Variants in PCDH9 observed in about 807,000 individuals in gnomAD.
PCDH9 encodes protocadherin 9.
A neutral mutation model predicts 70.6 loss-of-function variants in PCDH9; 24 were observed. The observed-to-expected ratio is 0.34, with a 90% CI of 0.25 to 0.48. The LOEUF (loss-of-function observed/expected upper bound fraction) is 0.48, where lower values mean the gene tolerates loss of function less well. Ranked by LOEUF, PCDH9 falls within the 20% of genes least tolerant of loss-of-function variation. The pLI, the probability that PCDH9 is intolerant of heterozygous loss-of-function variation, is 0.99. For synonymous variants in PCDH9, 562 were observed against 558.5 expected (o/e 1.01, Z -0.09); for missense variants, 1,281 against 1,503.6 (o/e 0.85, Z 2.45).
chr13:66,972,978 C>T (rs545118524), intron 2 of PCDH9, among the ~76,000 whole-genome samples: 8 of 152,086 alleles, frequency 5.3e-5, no homozygotes, highest in East Asian at 3.9e-4. Flanking sequence ...ACAGCAAAGT[C>T]GCTTTAGAGA....
intron 2 of PCDH9, among the ~76,000 whole-genome samples, chr13:67,108,618 T>G (rs1433598382): frequency 1.3e-5 from 2 of 152,192 alleles, no homozygotes; most frequent in African/African-American, 2.4e-5. Flanking sequence ...AAACACTTAT[T>G]ACAGGAATAA....
intron 2 of PCDH9, among the ~76,000 whole-genome samples, chr13:66,957,500 AT>A (rs1157377399): frequency 6.6e-6 from 1 of 152,210 alleles, no homozygotes; most frequent in Admixed American, 6.5e-5. Context: ...CCAGTCAGCA[AT>A]GTTAAATATT....
At chr13:66,974,248 A>G (rs1340252429) in intron 2 of PCDH9, among the ~76,000 whole-genome samples, 1 of 152,012 alleles carries the variant, frequency 6.6e-6, no homozygotes, top group Non-Finnish European at 1.5e-5. Flanking sequence ...ACTACCTCTC[A>G]GGGAGTGTGC....
chr13:66,631,790 C>T (rs1291686489), intron 3 of PCDH9, among the ~76,000 whole-genome samples: 2 of 152,182 alleles, frequency 1.3e-5, no homozygotes, highest in Non-Finnish European at 1.5e-5. Flanking sequence ...TTAGAAAATG[C>T]AATATTTCAT....
chr13:67,216,209 A>G (rs1352143992), intron 2 of PCDH9: 4 of 152,150 alleles, frequency 2.6e-5, no homozygotes, highest in Non-Finnish European at 5.9e-5. Flanking sequence ...AGGTGTCAAG[A>G]AGCTTTTACT....
chr13:67,080,316 T>C (rs2085958528), intron 2 of PCDH9, among the ~76,000 whole-genome samples: 1 of 152,242 alleles, frequency 6.6e-6, no homozygotes, highest in Non-Finnish European at 1.5e-5. Context: ...GTTAAAACTC[T>C]AAAGCTTTAT....
At chr13:66,324,346 G>C (rs1056452026) in intron 4 of PCDH9, among the ~76,000 whole-genome samples, 1 of 152,026 alleles carries the variant, frequency 6.6e-6, no homozygotes, top group East Asian at 1.9e-4. Flanking sequence ...TTTTTGAACT[G>C]TCCAAGAGAA....
At chr13:66,859,675 T>C (rs2081450135) in intron 3 of PCDH9, among the ~76,000 whole-genome samples, 1 of 152,212 alleles carries the variant, frequency 6.6e-6, no homozygotes, top group African/African-American at 2.4e-5. Context: ...CCTGTATCAA[T>C]ATTAACCTGA....
At chr13:66,389,526 TA>T (rs1392626561) in intron 4 of PCDH9, among the ~76,000 whole-genome samples, 4 of 152,190 alleles carry the variant, frequency 2.6e-5, no homozygotes, top group African/African-American at 9.6e-5. Context: ...GATTTGTACA[TA>T]ACTTTAATGG....
intron 3 of PCDH9, 81 bp from the exon 4 acceptor site, chr13:66,631,492 T>C: frequency 1.3e-6 from 1 of 772,502 alleles, no homozygotes; most frequent in Non-Finnish European, 2.2e-6. Context: ...ATCAAAACAC[T>C]TTCAACAAGT....
At chr13:66,777,002 C>G (rs1249784914) in intron 3 of PCDH9, among the ~76,000 whole-genome samples, 1 of 151,618 alleles carries the variant, frequency 6.6e-6, no homozygotes, top group Non-Finnish European at 1.5e-5. Flanking sequence ...TGATCTTTGA[C>G]AAACCTGAGA....
At chr13:66,462,881 ACTTG>A (rs1958450240) in intron 4 of PCDH9, among the ~76,000 whole-genome samples, 1 of 151,742 alleles carries the variant, frequency 6.6e-6, no homozygotes, top group Non-Finnish European at 1.5e-5. Context: ...AAATAAATTC[ACTTG>A]CTTTCCACTA....
At chr13:66,587,077 C>T (rs2138802022) in intron 4 of PCDH9, among the ~76,000 whole-genome samples, 1 of 152,212 alleles carries the variant, frequency 6.6e-6, no homozygotes. Context: ...AAGAAGATCA[C>T]TTGAGCCCAT....
At chr13:66,620,951 A>G (rs1161760086) in intron 4 of PCDH9, among the ~76,000 whole-genome samples, 1 of 152,176 alleles carries the variant, frequency 6.6e-6, no homozygotes, top group East Asian at 1.9e-4. Context: ...ACTTAACATG[A>G]ATGTTTGCAG....
intron 2 of PCDH9, among the ~76,000 whole-genome samples, chr13:66,932,540 A>G (rs2082828554): frequency 6.6e-6 from 1 of 151,968 alleles, no homozygotes; most frequent in Non-Finnish European, 1.5e-5. Context: ...AGCATATTCT[A>G]ATTAAATATC....
intron 4 of PCDH9, among the ~76,000 whole-genome samples, chr13:66,383,001 C>G (rs1470650445): frequency 3.3e-5 from 5 of 150,418 alleles, no homozygotes; most frequent in African/African-American, 1.2e-4. Flanking sequence ...TCACTCCAGC[C>G]TGAGCAATAG....
At chr13:66,885,681 A>T (rs2081993347) in intron 3 of PCDH9, among the ~76,000 whole-genome samples, 1 of 152,128 alleles carries the variant, frequency 6.6e-6, no homozygotes, top group South Asian at 2.1e-4. Context: ...AGTTTAATAA[A>T]GGCCTTTTAG....
intron 2 of PCDH9, among the ~76,000 whole-genome samples, chr13:66,981,242 T>A (rs1042411636): frequency 7.2e-5 from 11 of 151,848 alleles, no homozygotes; most frequent in Admixed American, 5.2e-4. Flanking sequence ...ATCAAGACCA[T>A]CGTGGCTAAC....
intron 4 of PCDH9, among the ~76,000 whole-genome samples, chr13:66,364,517 T>G (rs1479409714): frequency 6.6e-6 from 1 of 152,194 alleles, no homozygotes; most frequent in African/African-American, 2.4e-5. Context: ...GAGCAGTAAG[T>G]TTATTTTTAA....
Sources: gnomAD v4.1 joint callset for allele counts (sites outside exome capture counted in the v4.1 genomes callset) on GRCh38, gnomAD v4.1.1 for gene constraint, MANE v1.5 for transcripts, NCBI Gene and HGNC (gene_info 2026-07-23, HGNC 2026-07-21) for gene names.